PDE10A: variants seen among roughly 807,000 people sequenced by gnomAD.
The protein encoded by PDE10A is phosphodiesterase 10A, also known as cAMP and cAMP-inhibited cGMP 3',5'-cyclic phosphodiesterase 10A.
In PDE10A, 39 loss-of-function variants were observed where a neutral mutation model predicts 97.7. The ratio of observed to expected loss-of-function variants is 0.40; its 90% CI spans 0.31 to 0.52. PDE10A has a LOEUF of 0.52. PDE10A is among the 20% of genes least tolerant of loss of function. The probability of loss-of-function intolerance (pLI) is 0.56; values close to 1 mark genes in which losing one functional copy is unlikely to be tolerated. For missense variants in PDE10A, 731 were observed against 1,047.8 expected, an observed-to-expected ratio of 0.70 and a Z score of 4.17; for synonymous variants, 371 against 376.8, an observed-to-expected ratio of 0.98 and a Z score of 0.18.
At chr6:165,494,272 G>T (rs566360305) in intron 2 of PDE10A, among the ~76,000 whole-genome samples, 14 of 152,118 alleles carry the variant, frequency 9.2e-5, no homozygotes, top group African/African-American at 2.2e-4. Flanking sequence ...ATTCCTTAAA[G>T]AACTAAAAGT....
At chr6:165,348,000 C>G (rs951157411) in intron 18 of PDE10A, among the ~76,000 whole-genome samples, 1 of 151,868 alleles carries the variant, frequency 6.6e-6, no homozygotes, top group South Asian at 2.1e-4. Flanking sequence ...AATATTGTAC[C>G]CTTTCTTTGA....
intron 1 of PDE10A, among the ~76,000 whole-genome samples, chr6:165,974,695 G>C (rs1332854783): frequency 6.6e-6 from 1 of 152,124 alleles, no homozygotes; most frequent in Non-Finnish European, 1.5e-5. Context: ...ACCTTCTCTG[G>C]GACCACAGTA....
chr6:165,586,889 G>A (rs1008694128), intron 1 of PDE10A, among the ~76,000 whole-genome samples: 9 of 152,002 alleles, frequency 5.9e-5, no homozygotes, highest in Non-Finnish European at 1.3e-4. Flanking sequence ...AAAAAAAAAT[G>A]CTGAGCTAAT....
chr6:165,855,133 A>G (rs1780692230), intron 1 of PDE10A, among the ~76,000 whole-genome samples: 1 of 152,094 alleles, frequency 6.6e-6, no homozygotes, highest in South Asian at 2.1e-4. Context: ...CTGAGGACTG[A>G]CCGCAGACCC....
chr6:165,908,269 G>A (rs906292947), intron 1 of PDE10A, among the ~76,000 whole-genome samples: 3 of 152,234 alleles, frequency 2.0e-5, no homozygotes, highest in Non-Finnish European at 2.9e-5. Flanking sequence ...TCACACACCT[G>A]GGAAGGCTGG....
intron 10 of PDE10A, among the ~76,000 whole-genome samples, chr6:165,425,333 T>C (rs768317261): frequency 1.3e-5 from 2 of 152,098 alleles, no homozygotes; most frequent in African/African-American, 2.4e-5. Flanking sequence ...CCAATATAAA[T>C]TACACACCAT....
At chr6:165,961,282 C>G (rs1784352716) in intron 1 of PDE10A, among the ~76,000 whole-genome samples, 1 of 152,206 alleles carries the variant, frequency 6.6e-6, no homozygotes, top group Non-Finnish European at 1.5e-5. Context: ...TGCTTCAAGT[C>G]CTCGTGCTGA....
At position 165,333,065 on chromosome 6, in the gene PDE10A, G is replaced by A. The variant is rs1781435066; in HGVS notation, c.3128C>T (p.Ser1043Phe). The change falls in exon 22 of 22, where the codon TCC becomes TTC. Residue 1043 changes from serine (S) to phenylalanine (F), a missense_variant. Coordinates refer to ENST00000539869, the MANE Select transcript of PDE10A (RefSeq NM_001385079.1). ...RGEETATWIS[S>F]PSVAQKAAAS... ...AGCTGCCTTCTGAGCCACGGATGGG[G>A]ATGAAATCCAGGTTGCAGTCTCCTC... 1.2e-6 allele frequency: 2 copies of A among 1,613,144 alleles called. No homozygotes were observed. The highest frequency in any genetic ancestry group is 2.2e-5 in the South Asian group (2 of 91,060).
At chr6:165,747,805 G>T (rs1792876464) in intron 1 of PDE10A, among the ~76,000 whole-genome samples, 1 of 152,188 alleles carries the variant, frequency 6.6e-6, no homozygotes, top group Non-Finnish European at 1.5e-5. Context: ...CGGAGGGAAG[G>T]AGGAGGGGGT....
intron 1 of PDE10A, among the ~76,000 whole-genome samples, chr6:165,965,435 G>A (rs1238561236): frequency 2.6e-5 from 4 of 152,086 alleles, no homozygotes; most frequent in Non-Finnish European, 5.9e-5. Context: ...CACTGAACAC[G>A]GGAATACGGA....
chr6:165,920,861 A>C (rs1212967457), intron 1 of PDE10A, among the ~76,000 whole-genome samples: 2 of 152,222 alleles, frequency 1.3e-5, no homozygotes, highest in Non-Finnish European at 2.9e-5. Flanking sequence ...TTCCTGAACC[A>C]CAGTAGATAA....
intron 2 of PDE10A, among the ~76,000 whole-genome samples, chr6:165,528,311 ACCACTCAGCCTCTTTCCCCAG>A (rs1471578455): frequency 6.6e-6 from 1 of 152,134 alleles, no homozygotes; most frequent in Non-Finnish European, 1.5e-5. Context: ...TTCTGTGGAC[ACCACTCAGCCTCTTTCCCCAG>A]CCACCCCTGT....
At chr6:165,777,811 C>A (rs1235589814) in intron 1 of PDE10A, among the ~76,000 whole-genome samples, 2 of 152,130 alleles carry the variant, frequency 1.3e-5, no homozygotes, top group Non-Finnish European at 2.9e-5. Flanking sequence ...GTCATCAAGT[C>A]CGGAATTGGA....
At chr6:165,481,125 T>TTTTA (rs1276566134) in intron 3 of PDE10A, among the ~76,000 whole-genome samples, 4 of 152,210 alleles carry the variant, frequency 2.6e-5, no homozygotes, top group Non-Finnish European at 4.4e-5. Context: ...CACTGTAATA[T>TTTTA]TTTATGACTC....
chr6:165,434,586 C>T (rs948137554), intron 6 of PDE10A, among the ~76,000 whole-genome samples: 2 of 152,130 alleles, frequency 1.3e-5, no homozygotes, highest in East Asian at 3.8e-4. Context: ...TTTGCTCTGG[C>T]TAATGGGAGG....
chr6:165,986,500 C>CCTCTCT (rs1353099002), intron 1 of PDE10A: 1 of 130,436 alleles, frequency 7.7e-6, no homozygotes, highest in East Asian at 2.3e-4. Context: ...TGGTGTTGCG[C>CCTCTCT]CTCTCTCTCT....
intron 1 of PDE10A, among the ~76,000 whole-genome samples, chr6:165,777,016 G>A (rs554332217): frequency 1.3e-5 from 2 of 152,326 alleles, no homozygotes; most frequent in African/African-American, 4.8e-5. Context: ...TAAAACTGAG[G>A]AGGAGGGAAT....
intron 1 of PDE10A, among the ~76,000 whole-genome samples, chr6:165,720,767 G>A (rs1322480709): frequency 6.6e-6 from 1 of 152,196 alleles, no homozygotes; most frequent in East Asian, 1.9e-4. Context: ...TGATTGCTAG[G>A]AGGAGGGTTC....
intron 1 of PDE10A, among the ~76,000 whole-genome samples, chr6:165,674,525 G>GC (rs1790740722): frequency 6.6e-6 from 1 of 152,186 alleles, no homozygotes; most frequent in African/African-American, 2.4e-5. Flanking sequence ...CCACTGCCTG[G>GC]CTTAGAGCAA....
Sources: gnomAD v4.1 joint callset for allele counts (sites outside exome capture counted in the v4.1 genomes callset) on GRCh38, gnomAD v4.1.1 for gene constraint, MANE v1.5 for transcripts, NCBI Gene and HGNC (gene_info 2026-07-23, HGNC 2026-07-21) for gene names.